The following TOP3B variants were observed in gnomAD, a reference collection of about 807,000 sequenced individuals.
TOP3B encodes DNA topoisomerase III beta.
In TOP3B, 45 loss-of-function variants were observed where a neutral mutation model predicts 93.9. That is an observed-to-expected ratio of 0.48 (90% CI 0.38 to 0.61). The LOEUF is 0.61. Among genes scored for constraint, TOP3B ranks in the 20% least tolerant of loss-of-function variants. The pLI, the probability that TOP3B is intolerant of heterozygous loss-of-function variation, is 0.00. For synonymous variants in TOP3B, 357 were observed against 472.6 expected, an observed-to-expected ratio of 0.76 and a Z score of 3.17; for missense variants, 750 against 1,156.1, an observed-to-expected ratio of 0.65 and a Z score of 5.09.
intron 13 of TOP3B, 96 bp downstream of exon 13, chr22:21,962,333 T>C: frequency 1.9e-6 from 3 of 1,601,960 alleles, no homozygotes; most frequent in Non-Finnish European, 2.5e-6. Flanking sequence ...GGTGCTGGGC[T>C]GGGCACACAG....
chr22:21,962,914 TCAGTTGGGAGC>T, intron 11 of TOP3B, 21 bp from the exon 12 acceptor site: 1 of 1,607,290 alleles, frequency 6.2e-7, no homozygotes, highest in Non-Finnish European at 8.5e-7. Flanking sequence ...CCAGGGCTAG[TCAGTTGGGAGC>T]CAGCTGGGGG....
chr22:21,972,521 G>C, intron 4 of TOP3B, 91 bp downstream of exon 4: 2 of 1,008,218 alleles, frequency 2.0e-6, no homozygotes, highest in Non-Finnish European at 2.9e-6. Flanking sequence ...GTCCAAGGGG[G>C]ATTAGGACTC....
chr22:21,973,105 C>T (rs1179795089), intron 3 of TOP3B: 1 of 297,966 alleles, frequency 3.4e-6, no homozygotes, highest in Non-Finnish European at 6.5e-6. Context: ...ACACTTCCAA[C>T]CTGAGTTTCT....
At chr22:21,980,312 C>G (rs1045185236) in intron 1 of TOP3B, among the ~76,000 whole-genome samples, 1 of 152,124 alleles carries the variant, frequency 6.6e-6, no homozygotes, top group Admixed American at 6.5e-5. Flanking sequence ...GGGACAAGAA[C>G]TAAGACAAGG....
Position 21,972,674 on chromosome 22 carries a change from T to C in TOP3B, c.247A>G (p.Ser83Gly). 1 of 1,613,716 alleles carries C rather than the reference T, an allele frequency of 6.2e-7. No homozygotes were observed. Among genetic ancestry groups the C allele is most frequent in the East Asian group, 2.2e-5 (1 of 44,860 alleles). ...TCTTTCTTCTCCGTGGGAGCTTGGCTGAACAGTTCTGCGGGGTCCACTTTG... is the reference window on the plus strand; with the variant it reads ...TCTTTCTTCTCCGTGGGAGCTTGGCCGAACAGTTCTGCGGGGTCCACTTTG... ...WDKVDPAELF[S>G]QAPTEKKEAN... Residue 83 changes from serine (S) to glycine (G), a missense_variant, in exon 4 of 18, where the codon AGC (serine) becomes GGC (glycine). Transcript: ENST00000357179.
chr22:21,964,678 G>A lies in TOP3B; in HGVS notation c.944-363C>T, dbSNP rs145167483. ...GTCCATGGAGCCATAACCATACCTC[G>A]GGGTTGGCTGACGACAGAGTTAGCA... On this transcript the variant is annotated intron_variant, in intron 9 of 17. Transcript: ENST00000357179. The A allele has an allele frequency of 6.6e-5, 18 of 271,856 alleles. No individual in the cohort carries two copies. The East Asian group carries it at 1.1e-3, about 17-fold the overall frequency. 16.8% of individuals were successfully genotyped at this position (271,856 alleles called of 1,614,324 possible).
chr22:21,965,016 G>A (rs9610731), intron 9 of TOP3B: 36,466 of 336,202 alleles, frequency 0.11, 2,183 homozygotes, highest in Middle Eastern at 0.12. Flanking sequence ...GCTGAGGGGC[G>A]ACGTTCACAC....
Position 21,963,663 on chromosome 22 carries a change from ACT to A in TOP3B, c.1204+258_1204+259del. 1 of 484,296 alleles carries A rather than the reference ACT, an allele frequency of 2.1e-6. No individual in the cohort carries two copies. The highest frequency in any genetic ancestry group is 3.8e-5 in the East Asian group (1 of 26,226). 30.0% of individuals were successfully genotyped at this position (484,296 alleles called of 1,614,324 possible). A position where few individuals can be genotyped will look rare whatever the true frequency, so the allele number is the denominator to read the frequency against. ...GTGCTGCCCCCTCCCCCACACCGCC[ACT>A]CTCTACCCTGGTTTCATTCATGTCC... On this transcript the variant is annotated intron_variant, in intron 11 of 17. Coordinates refer to ENST00000357179, the MANE Select transcript of TOP3B (RefSeq NM_001282112.2). This position sits in a 1 kb window ranked among gnomAD's most constrained non-coding sequence, Gnocchi z 4.8.
intron 8 of TOP3B, chr22:21,965,624 TGG>T (rs1024038582): frequency 1.2e-5 from 3 of 250,796 alleles, no homozygotes; most frequent in African/African-American, 6.8e-5. Context: ...CCCAGTACTT[TGG>T]GAGGCTGAGG....
Position 21,964,328 on chromosome 22 carries a change from G to A in TOP3B, c.944-13C>T. On this transcript the variant is annotated splice_polypyrimidine_tract_variant and intron_variant, in intron 9 of 17. Transcript: ENST00000357179. The stretch of plus-strand genomic sequence containing the variant: ...TGCGGCCCCATGCCTGCGAGAGACA[G>A]GAGGTTCTCAGAGGGCCAGGTACGT... 1 of 1,612,760 alleles carries A rather than the reference G, an allele frequency of 6.2e-7. No homozygotes were observed. The highest frequency in any genetic ancestry group is 8.5e-7 in the Non-Finnish European group (1 of 1,179,958).
intron 1 of TOP3B, chr22:21,976,060 G>C (rs747384789): frequency 1.7e-5 from 3 of 177,636 alleles, no homozygotes; most frequent in Admixed American, 1.2e-4. Context: ...AGTGATCTCA[G>C]GTCAATTTTA....
rs1205531803 is a variant in TOP3B at position 21,958,581 on chromosome 22, A to C, written c.2018T>G (p.Leu673Arg). The C allele has an allele frequency of 1.9e-6, 3 of 1,614,144 alleles. No individual in the cohort carries two copies. The highest frequency in any genetic ancestry group is 2.5e-6 in the Non-Finnish European group (3 of 1,180,042). ...ELRCPLDDFE[L>R]VLWSSGSRGK... Reference sequence around the variant, plus strand: ...CCGAGAGCCTGATGACCACAGGACCAGCTCGAAGTCATCCAGAGGGCAGCG... The same window carrying C: ...CCGAGAGCCTGATGACCACAGGACCCGCTCGAAGTCATCCAGAGGGCAGCG... Residue 673 changes from leucine (L) to arginine (R), a missense_variant, in exon 17 of 18, where the codon CTG becomes CGG. Leu to Arg is a moderately radical substitution (Grantham distance 102). Transcript: ENST00000357179.
chr22:21,962,057 A>G, intron 13 of TOP3B: 1 of 1,114,690 alleles, frequency 9.0e-7, no homozygotes, highest in Non-Finnish European at 1.1e-6. Context: ...TTTCCCTGTC[A>G]CCTGATTTCA....
At chr22:21,965,138 T>C in intron 9 of TOP3B, 147 bp downstream of exon 9, 1 of 491,776 alleles carries the variant, frequency 2.0e-6, no homozygotes, top group Non-Finnish European at 3.5e-6. Context: ...TTACCACCTT[T>C]ACAACCTAAG....
chr22:21,958,400 G>A lies in TOP3B; in HGVS notation c.2107+92C>T, dbSNP rs1459487883. 3 of 1,592,734 alleles carry A rather than the reference G, an allele frequency of 1.9e-6. No individual in the cohort carries two copies. The East Asian group carries it at 6.7e-5, about 36-fold the overall frequency. Reference sequence around the variant, plus strand: ...AGTGCAGGAAAGGCCAGGGTGAGGGGTCCCCTCAGAGTCCAGCCTGGTGCA... The same window carrying A: ...AGTGCAGGAAAGGCCAGGGTGAGGGATCCCCTCAGAGTCCAGCCTGGTGCA... On this transcript the variant is annotated intron_variant, in intron 17 of 17. Coordinates refer to ENST00000357179, the MANE Select transcript of TOP3B (RefSeq NM_001282112.2).
rs771360491 is a variant in TOP3B at position 21,963,901 on chromosome 22, G to A, written c.1204+22C>T. On this transcript the variant is annotated intron_variant, in intron 11 of 17. Transcript: ENST00000357179. This position sits in a 1 kb window ranked among gnomAD's most constrained non-coding sequence, Gnocchi z 4.8. ...GCCCTTCCCTCCCTGGAAGCACACCGGGTATGGGATGAGAGCGGTACCTAA... is the reference window on the plus strand; with the variant it reads ...GCCCTTCCCTCCCTGGAAGCACACCAGGTATGGGATGAGAGCGGTACCTAA... 4.3e-5 allele frequency: 70 copies of A among 1,610,846 alleles called. No homozygotes were observed. Among genetic ancestry groups the A allele is most frequent in the Middle Eastern group, 1.8e-4 (1 of 5,702 alleles).
At chr22:21,977,830 T>G (rs765088982) in intron 1 of TOP3B, among the ~76,000 whole-genome samples, 1 of 152,182 alleles carries the variant, frequency 6.6e-6, no homozygotes, top group Non-Finnish European at 1.5e-5. Flanking sequence ...ACCTACTGCA[T>G]GCTTGGCCTA....
At chr22:21,979,441 G>A (rs118075077) in intron 1 of TOP3B, among the ~76,000 whole-genome samples, 1 of 152,214 alleles carries the variant, frequency 6.6e-6, no homozygotes, top group Non-Finnish European at 1.5e-5. Context: ...ACTCACAGGA[G>A]TCAGTGGTGG....
intron 13 of TOP3B, 36 bp downstream of exon 13, chr22:21,962,393 C>G (rs200697166): frequency 6.2e-7 from 1 of 1,611,728 alleles, no homozygotes; most frequent in Non-Finnish European, 8.5e-7. Context: ...GTACTGGAGA[C>G]GGAGCCGGCT....
Sources: gnomAD v4.1 joint callset for allele counts (sites outside exome capture counted in the v4.1 genomes callset) on GRCh38, gnomAD v4.1.1 for gene constraint, Gnocchi (gnomAD v3.1) non-coding constraint, MANE v1.5 for transcripts, NCBI Gene and HGNC (gene_info 2026-07-23, HGNC 2026-07-21) for gene names.